Variants in KDM2B observed in about 807,000 individuals in gnomAD.
KDM2B encodes the protein lysine demethylase 2B.
A neutral mutation model predicts 150.0 loss-of-function variants in KDM2B; 26 were observed. The observed-to-expected ratio is 0.17, with a 90% CI of 0.13 to 0.24. The LOEUF (loss-of-function observed/expected upper bound fraction) is 0.24, where lower values mean the gene tolerates loss of function less well. KDM2B is among the 10% of genes least tolerant of loss of function. The probability of loss-of-function intolerance (pLI) is 1.00; values close to 1 mark genes in which losing one functional copy is unlikely to be tolerated. For missense variants in KDM2B, 1,265 were observed against 1,816.9 expected (o/e 0.70, Z 5.52); for synonymous variants, 734 against 729.5 (o/e 1.01, Z -0.10).
intron 6 of KDM2B, among the ~76,000 whole-genome samples, chr12:121,546,891 T>C (rs1211771929): frequency 6.6e-6 from 1 of 151,738 alleles, no homozygotes; most frequent in Non-Finnish European, 1.5e-5. Context: ...AGATGGGGTT[T>C]TACCATGTTG....
At position 121,578,834 on chromosome 12, in the gene KDM2B, T is replaced by C. The variant is rs782363948; in HGVS notation, c.239A>G (p.Gln80Arg). The stretch of plus-strand genomic sequence containing the variant: ...CTCCATGGCGTGCACGAAGTCCCCC[T>C]GGTACAGCTGGCTGCGAAGCTTCTC... ...LEEKLRSQLYQGDFVHAMEGK... is the reference protein window; with the variant it reads ...LEEKLRSQLYRGDFVHAMEGK... Residue 80 changes from glutamine to arginine, a missense_variant, in exon 2 of 23, where the codon CAG becomes CGG. Physicochemically the swap from Gln to Arg is conservative, Grantham distance 43. Around this residue, in one of 11 missense-constraint regions of KDM2B, gnomAD observed 214 missense variants for 447.4 expected, o/e 0.48. Transcript: ENST00000377071. 1 of 1,607,700 alleles carries C rather than the reference T, an allele frequency of 6.2e-7. No individual in the cohort carries two copies. The highest frequency in any genetic ancestry group is 8.5e-7 in the Non-Finnish European group (1 of 1,177,468).
At chr12:121,579,537 A>C in intron 1 of KDM2B, 3 of 899,644 alleles carry the variant, frequency 3.3e-6, no homozygotes, top group Non-Finnish European at 3.1e-6. Flanking sequence ...AGGTGGGGGG[A>C]GGAGAATCGG....
In KDM2B at chr12:121,533,759, T is replaced by C. The variant is rs1402279000; in HGVS notation, c.777+738A>G. ...GAGCAGGCCTGCATGGGTGACTAGATGCGATGTAAAAGGGCTGAACTTGAC... is the reference window on the plus strand; with the variant it reads ...GAGCAGGCCTGCATGGGTGACTAGACGCGATGTAAAAGGGCTGAACTTGAC... On this transcript the variant is annotated intron_variant, in intron 7 of 22. Coordinates refer to ENST00000377071, the MANE Select transcript of KDM2B (RefSeq NM_032590.5). This position sits in a 1 kb window ranked among gnomAD's most constrained non-coding sequence, Gnocchi z 4.1. 6.6e-6 allele frequency among the ~76,000 whole-genome samples: 1 copy of C among 152,092 alleles called. No individual in the cohort carries two copies. The highest frequency in any genetic ancestry group is 1.5e-5 in the Non-Finnish European group (1 of 68,002).
At chr12:121,432,035 C>T (rs771539089) in intron 22 of KDM2B, among the ~76,000 whole-genome samples, 3 of 151,920 alleles carry the variant, frequency 2.0e-5, no homozygotes, top group Non-Finnish European at 4.4e-5. Context: ...TGCCGGCCAC[C>T]ACGCCTGGCT....
intron 6 of KDM2B, among the ~76,000 whole-genome samples, chr12:121,548,444 G>A (rs1889233537): frequency 6.6e-6 from 1 of 152,180 alleles, no homozygotes; most frequent in Non-Finnish European, 1.5e-5. Context: ...ACAAAAGAAT[G>A]CCAGGTAGGT....
chr12:121,454,006 G>T (rs1877799122), intron 12 of KDM2B, among the ~76,000 whole-genome samples: 2 of 151,974 alleles, frequency 1.3e-5, no homozygotes, highest in Non-Finnish European at 2.9e-5. Context: ...TGTTCCCCCA[G>T]CCCGGAAGGC....
intron 10 of KDM2B, among the ~76,000 whole-genome samples, chr12:121,511,576 G>A (rs11065608): frequency 0.046 from 7,050 of 152,240 alleles, 424 homozygotes; most frequent in East Asian, 0.23. Context: ...GTGAGCCATC[G>A]CGCCCGGTGG....
chr12:121,438,287 T>C (rs1555287280), intron 22 of KDM2B, among the ~76,000 whole-genome samples: 2 of 150,236 alleles, frequency 1.3e-5, no homozygotes, highest in South Asian at 2.1e-4. Context: ...GAGAGCTGTA[T>C]GCACTGAGAT....
intron 4 of KDM2B, among the ~76,000 whole-genome samples, chr12:121,564,013 G>A (rs1004891596): frequency 2.2e-4 from 34 of 152,226 alleles, no homozygotes; most frequent in Middle Eastern, 3.4e-3. Context: ...TACTTGGGAG[G>A]TTGAGGTGGG....
chr12:121,410,135 CA>C, the KDM2B span, among the ~76,000 whole-genome samples: 2 of 150,178 alleles, frequency 1.3e-5, no homozygotes, highest in South Asian at 4.2e-4. Context: ...ACCTGGGCAA[CA>C]AGAGCGAAAC....
In KDM2B at chr12:121,513,432, TC is replaced by T; in HGVS notation, c.1048-31del. 1 of 1,603,412 alleles carries T rather than the reference TC, an allele frequency of 6.2e-7. No individual in the cohort carries two copies. The highest frequency in any genetic ancestry group is 8.5e-7 in the Non-Finnish European group (1 of 1,171,706). On this transcript the variant is annotated intron_variant, in intron 9 of 22. Transcript: ENST00000377071. This position sits in a 1 kb window ranked among gnomAD's most constrained non-coding sequence, Gnocchi z 5.0. Reference sequence around the variant, plus strand: ...AAGCAAAGACGCAGGCAGGCAGAGGTCAGTTTCCAGAGGGCGAAGGGGGAAG... The same window carrying T: ...AAGCAAAGACGCAGGCAGGCAGAGGTAGTTTCCAGAGGGCGAAGGGGGAAG...
intron 11 of KDM2B, among the ~76,000 whole-genome samples, chr12:121,507,943 C>T (rs530282425): frequency 2.6e-5 from 4 of 152,174 alleles, no homozygotes; most frequent in African/African-American, 9.6e-5. Context: ...CCTGGGAGGT[C>T]GAGGCTGCAG....
chr12:121,511,167 C>A (rs1167261680), intron 10 of KDM2B, among the ~76,000 whole-genome samples: 1 of 151,596 alleles, frequency 6.6e-6, no homozygotes, highest in Non-Finnish European at 1.5e-5. Flanking sequence ...AACCACCACA[C>A]CCAGCTAATT....
At chr12:121,540,250 G>A (rs1233853494) in intron 6 of KDM2B, among the ~76,000 whole-genome samples, 4 of 152,150 alleles carry the variant, frequency 2.6e-5, no homozygotes, top group African/African-American at 9.7e-5. Flanking sequence ...AAAAAGCCAG[G>A]AATCTAAAGG....
chr12:121,579,053 AC>A, intron 1 of KDM2B, 107 bp from the exon 2 acceptor site: 1 of 1,255,650 alleles, frequency 8.0e-7, no homozygotes, highest in Non-Finnish European at 1.1e-6. Context: ...CGCCCCCTGC[AC>A]CCCACCATTG....
intron 10 of KDM2B, among the ~76,000 whole-genome samples, chr12:121,510,415 T>C (rs935728052): frequency 6.7e-6 from 1 of 150,162 alleles, no homozygotes; most frequent in Non-Finnish European, 1.5e-5. Context: ...ACTCAGCTAG[T>C]TTTTTTTTTA....
intron 12 of KDM2B, among the ~76,000 whole-genome samples, chr12:121,489,197 G>A (rs1002971316): frequency 2.6e-5 from 4 of 152,036 alleles, no homozygotes; most frequent in African/African-American, 4.8e-5. Flanking sequence ...TGCCCAACTC[G>A]GCCTCCCAAA....
At chr12:121,471,301 C>T (rs1035086109) in intron 12 of KDM2B, among the ~76,000 whole-genome samples, 5 of 152,132 alleles carry the variant, frequency 3.3e-5, no homozygotes, top group Admixed American at 1.3e-4. Flanking sequence ...AAAGCTGATG[C>T]CACCCAGCCA....
intron 10 of KDM2B, among the ~76,000 whole-genome samples, chr12:121,512,391 T>C (rs1303300679): frequency 2.0e-5 from 3 of 151,500 alleles, no homozygotes; most frequent in African/African-American, 7.3e-5. Context: ...GGATGGGGCA[T>C]AAGGGAAGGG....
Sources: gnomAD v4.1 joint callset for allele counts (sites outside exome capture counted in the v4.1 genomes callset) on GRCh38, gnomAD v4.1.1 for gene constraint, gnomAD v4.1.1 regional missense constraint, Gnocchi (gnomAD v3.1) non-coding constraint, MANE v1.5 for transcripts, NCBI Gene and HGNC (gene_info 2026-07-23, HGNC 2026-07-21) for gene names.